WDR47: variants seen among roughly 807,000 people sequenced by gnomAD.
WDR47 encodes the protein WD repeat domain 47, also known as WD repeat-containing protein 47.
WDR47 carries 32 observed loss-of-function variants against 97.2 expected under a neutral mutation model. That is an observed-to-expected ratio of 0.33 (90% CI 0.25 to 0.44). The LOEUF (loss-of-function observed/expected upper bound fraction) is 0.44, where lower values mean the gene tolerates loss of function less well. WDR47 is among the 20% of genes least tolerant of loss of function. The probability of loss-of-function intolerance (pLI) is 1.00; values close to 1 mark genes in which losing one functional copy is unlikely to be tolerated. For missense variants in WDR47, 782 were observed against 1,102.3 expected, an observed-to-expected ratio of 0.71 and a Z score of 4.11; for synonymous variants, 375 against 373.5, an observed-to-expected ratio of 1.00 and a Z score of -0.05.
At chr1:108,972,387 C>T (rs879408554) in intron 14 of WDR47, among the ~76,000 whole-genome samples, 2 of 152,174 alleles carry the variant, frequency 1.3e-5, no homozygotes, top group Non-Finnish European at 2.9e-5. Flanking sequence ...TTACAATCTA[C>T]TCTCCCTACA....
chr1:108,994,878 AC>A (rs1659636374), intron 8 of WDR47, among the ~76,000 whole-genome samples: 1 of 152,236 alleles, frequency 6.6e-6, no homozygotes, highest in Admixed American at 6.5e-5. Context: ...CTGAAATAAA[AC>A]TAGGTTTTTG....
intron 4 of WDR47, among the ~76,000 whole-genome samples, chr1:109,012,812 T>C (rs926304043): frequency 6.6e-6 from 1 of 152,112 alleles, no homozygotes; most frequent in Admixed American, 6.6e-5. Flanking sequence ...ATTCAGTTGA[T>C]TAGTGGCAAA....
intron 4 of WDR47, 37 bp from the exon 5 acceptor site, chr1:109,011,755 A>G (rs768251092): frequency 6.6e-7 from 1 of 1,522,138 alleles, no homozygotes; most frequent in Non-Finnish European, 8.8e-7. Context: ...TAATCACTAT[A>G]AAAAACATGC....
Position 108,974,531 on chromosome 1 carries a change from A to G in WDR47, c.2617+5T>C, listed in dbSNP as rs1411891517. ...ACTAAAAACAGAGAAGTCGATCTCA[A>G]TCACCTTGTAGGTCTGTCACCTTTA... On this transcript the variant is annotated splice_donor_5th_base_variant and intron_variant, in intron 14 of 14. Coordinates refer to ENST00000369962, the MANE Select transcript of WDR47 (RefSeq NM_001142551.2). 1.2e-6 allele frequency: 2 copies of G among 1,612,738 alleles called. No individual in the cohort carries two copies. The highest frequency in any genetic ancestry group is 2.2e-5 in the East Asian group (1 of 44,876).
intron 5 of WDR47, among the ~76,000 whole-genome samples, chr1:109,008,111 A>T (rs948615177): frequency 2.6e-5 from 3 of 113,880 alleles, no homozygotes; most frequent in Non-Finnish European, 5.7e-5. Context: ...CAAAAAAAAG[A>T]AAAAAAAAAA....
At chr1:109,015,543 G>T (rs1258884060) in intron 3 of WDR47, among the ~76,000 whole-genome samples, 1 of 151,668 alleles carries the variant, frequency 6.6e-6, no homozygotes, top group African/African-American at 2.4e-5. Flanking sequence ...GGCCAGGCTG[G>T]TCTCCAACTC....
intron 6 of WDR47, among the ~76,000 whole-genome samples, chr1:109,003,179 T>C (rs1000408199): frequency 6.6e-6 from 1 of 152,180 alleles, no homozygotes; most frequent in Non-Finnish European, 1.5e-5. Flanking sequence ...GTTTACAGTA[T>C]TGTTCAAGTC....
intron 2 of WDR47, among the ~76,000 whole-genome samples, chr1:109,022,595 G>C (rs796242300): frequency 8.6e-5 from 13 of 151,382 alleles, no homozygotes; most frequent in Middle Eastern, 3.4e-3. Context: ...TTTTATTTTT[G>C]TATTTTTGAG....
chr1:109,005,625 A>G (rs1660538314), intron 5 of WDR47, among the ~76,000 whole-genome samples: 1 of 152,190 alleles, frequency 6.6e-6, no homozygotes, highest in African/African-American at 2.4e-5. Context: ...CTGTAATCCC[A>G]GCACTTTAGG....
At chr1:109,038,572 G>A (rs936929886) in intron 1 of WDR47, among the ~76,000 whole-genome samples, 15 of 151,194 alleles carry the variant, frequency 9.9e-5, no homozygotes, top group Non-Finnish European at 1.8e-4. Flanking sequence ...CTAGCTACTC[G>A]GGAGGCTGAG....
intron 7 of WDR47, 111 bp from the exon 8 acceptor site, chr1:108,995,948 C>A: frequency 9.0e-7 from 1 of 1,106,094 alleles, no homozygotes; most frequent in Non-Finnish European, 1.3e-6. Flanking sequence ...AATATATAAT[C>A]TATGGCAAAT....
chr1:109,016,442 G>A (rs1661422669), intron 3 of WDR47, among the ~76,000 whole-genome samples: 2 of 152,088 alleles, frequency 1.3e-5, no homozygotes, highest in African/African-American at 4.8e-5. Flanking sequence ...TAAAAAATGA[G>A]AGGAAGATCC....
intron 8 of WDR47, chr1:108,992,624 G>C: frequency 7.1e-7 from 1 of 1,405,676 alleles, no homozygotes; most frequent in Non-Finnish European, 9.9e-7. Context: ...TCTGGTCATT[G>C]AGCATATCCA....
intron 1 of WDR47, among the ~76,000 whole-genome samples, chr1:109,028,910 T>C (rs1662418877): frequency 6.6e-6 from 1 of 152,198 alleles, no homozygotes; most frequent in Non-Finnish European, 1.5e-5. Flanking sequence ...CCTCTTTCCC[T>C]TCTGGCCTCT....
At position 108,982,688 on chromosome 1, in the gene WDR47, A is replaced by G; in HGVS notation, c.2187T>C (p.Ser729=). Reference sequence around the variant, plus strand: ...AAATGTTACAATCCCCTGCTCCAGCACTTATTAAAATAGCTCCTCCGCTTT... The same window carrying G: ...AAATGTTACAATCCCCTGCTCCAGCGCTTATTAAAATAGCTCCTCCGCTTT... ...GPESGGAILI[S]AGAGDCNIYT... The change falls in exon 12 of 15, where the codon AGT becomes AGC. Residue 729 remains serine, a synonymous_variant. Transcript: ENST00000369962. 6.2e-7 allele frequency: 1 copy of G among 1,614,162 alleles called. No individual in the cohort carries two copies. Among genetic ancestry groups the G allele is most frequent in the Non-Finnish European group, 8.5e-7 (1 of 1,180,020 alleles).
intron 9 of WDR47, 137 bp from the exon 10 acceptor site, chr1:108,986,817 T>G (rs1354088222): frequency 1.4e-6 from 1 of 712,462 alleles, no homozygotes; most frequent in African/African-American, 1.8e-5. Flanking sequence ...AACCATATAT[T>G]CTTTTCTCTA....
At chr1:109,020,816 AT>A (rs35262166) in intron 2 of WDR47, among the ~76,000 whole-genome samples, 10,482 of 152,102 alleles carry the variant, frequency 0.069, 471 homozygotes, top group Middle Eastern at 0.13. Context: ...CCCTAATATA[AT>A]AAAGCTTTGT....
At chr1:109,033,925 AT>A (rs746115104) in intron 1 of WDR47, among the ~76,000 whole-genome samples, 1 of 152,218 alleles carries the variant, frequency 6.6e-6, no homozygotes, top group Non-Finnish European at 1.5e-5. Context: ...TGTCAAAAAA[AT>A]AAAAGTAAAA....
intron 9 of WDR47, among the ~76,000 whole-genome samples, chr1:108,988,699 A>C (rs1031780252): frequency 6.6e-6 from 1 of 152,142 alleles, no homozygotes; most frequent in African/African-American, 2.4e-5. Context: ...ATAAATAAAT[A>C]AACAAACATC....
Sources: allele counts gnomAD v4.1 joint callset (sites outside exome capture counted in the v4.1 genomes callset), GRCh38; gene constraint gnomAD v4.1.1; transcripts MANE v1.5; gene names NCBI Gene and HGNC (gene_info 2026-07-23, HGNC 2026-07-21).